Variants in SPTY2D1 observed in about 807,000 individuals in gnomAD.
SPTY2D1 encodes protein SPT2 homolog.
Under a neutral mutation model 64.0 loss-of-function variants are expected in SPTY2D1, and 21 were observed. The ratio of observed to expected loss-of-function variants is 0.33; its 90% confidence interval spans 0.23 to 0.47. The LOEUF is 0.47. Among genes scored for constraint, SPTY2D1 ranks in the 20% least tolerant of loss-of-function variants. SPTY2D1 has a pLI of 1.00. For missense variants in SPTY2D1, 724 were observed against 837.2 expected (o/e 0.86, Z 1.67); for synonymous variants, 287 against 286.8 (o/e 1.00, Z -0.01).
intron 1 of SPTY2D1, among the ~76,000 whole-genome samples, chr11:18,623,356 C>A (rs1285166928): frequency 3.3e-5 from 5 of 152,168 alleles, no homozygotes; most frequent in African/African-American, 1.2e-4. Context: ...GTTCTTGTCT[C>A]CCCTCAGCCC....
At chr11:18,624,160 A>G (rs1265327819) in intron 1 of SPTY2D1, among the ~76,000 whole-genome samples, 1 of 151,974 alleles carries the variant, frequency 6.6e-6, no homozygotes, top group Non-Finnish European at 1.5e-5. Flanking sequence ...ATTTTAAAAG[A>G]CAGTTCCCCA....
At position 18,615,007 on chromosome 11, in the gene SPTY2D1, T is replaced by A. The variant is rs367661545; in HGVS notation, c.1267A>T (p.Asn423Tyr). 5 of 1,614,048 alleles carry A rather than the reference T, an allele frequency of 3.1e-6. No individual in the cohort carries two copies. Among genetic ancestry groups the A allele is most frequent in the Non-Finnish European group, 4.2e-6 (5 of 1,180,054 alleles). The stretch of plus-strand genomic sequence containing the variant: ...CCACTGACTGTCCGCCTAGAGGGAT[T>A]TGAGTCATTGGTTGGCTTCTTGGAC... ...SGSKKPTNDS[N>Y]PSRRTVSGTC... Residue 423 changes from asparagine to tyrosine, a missense_variant, in exon 3 of 6, where the codon AAT (asparagine) becomes TAT (tyrosine). By Grantham distance (143) the Asn-to-Tyr change is moderately radical (BLOSUM62 -2). Coordinates refer to ENST00000336349, the MANE Select transcript of SPTY2D1 (RefSeq NM_194285.3).
Position 18,611,509 on chromosome 11 carries a change from A to G in SPTY2D1, c.1932T>C (p.Ser644=), listed in dbSNP as rs778956078. The change falls in exon 5 of 6, where the codon AGT becomes AGC. Residue 644 remains serine (S), a synonymous_variant. Transcript: ENST00000336349. ...SDYALRYMES[S]WKEQQKEEAK... is the part of the protein sequence containing the mutation. ...CTTCTTCCTTCTGCTGCTCTTTCCA[A>G]CTACTTTCCATGTAACGTAAGGCAT... is the stretch of plus-strand genomic sequence containing the variant. 1.2e-6 allele frequency: 2 copies of G among 1,614,070 alleles called. No homozygotes were observed. The highest frequency in any genetic ancestry group is 1.7e-6 in the Non-Finnish European group (2 of 1,180,014).
Position 18,609,274 on chromosome 11 carries a change from A to G in SPTY2D1, c.*587T>C, listed in dbSNP as rs1854155590. 2 of 152,964 alleles carry G rather than the reference A, an allele frequency of 1.3e-5. No homozygotes were observed. The highest frequency in any genetic ancestry group is 3.8e-4 in the East Asian group (2 of 5,196). The allele number at this position is 152,964 out of a possible 1,614,324, so 9.5% of individuals were successfully genotyped here. On this transcript the variant is annotated 3_prime_UTR_variant, in exon 6 of 6. Coordinates refer to ENST00000336349, the MANE Select transcript of SPTY2D1 (RefSeq NM_194285.3). ...AATGAGTAAGAATGCTCAGCATCCA[A>G]TCCATGAATACAGAATTTATTCTAC...
intron 1 of SPTY2D1, among the ~76,000 whole-genome samples, chr11:18,633,434 C>G (rs1403402381): frequency 1.3e-5 from 2 of 152,172 alleles, no homozygotes; most frequent in African/African-American, 2.4e-5. Context: ...CAGCCATAAC[C>G]CCCAGAAACC....
At chr11:18,614,141 C>T (rs1203657488) in intron 3 of SPTY2D1, among the ~76,000 whole-genome samples, 1 of 152,144 alleles carries the variant, frequency 6.6e-6, no homozygotes, top group Non-Finnish European at 1.5e-5. Flanking sequence ...AAGGAACTCT[C>T]AGCAGGGAAT....
intron 1 of SPTY2D1, among the ~76,000 whole-genome samples, chr11:18,626,428 C>A (rs906489016): frequency 2.0e-5 from 3 of 148,976 alleles, no homozygotes; most frequent in Non-Finnish European, 1.5e-5. Context: ...AACAAACAAA[C>A]AAAAAAAAAA....
rs72484764 is a variant in SPTY2D1, at chr11:18,623,943, T to C, written c.61-6954A>G. 1.4e-3 allele frequency among the ~76,000 whole-genome samples: 218 copies of C among 152,364 alleles called. 4 individuals carry two copies. In the East Asian group the frequency reaches 0.037, roughly 26 times the overall value. On this transcript the variant is annotated intron_variant, in intron 1 of 5. Coordinates refer to ENST00000336349, the MANE Select transcript of SPTY2D1 (RefSeq NM_194285.3). ...GATATACCATGCATTATTTTTATAT[T>C]CATCAACTGAATATTCGGATTGTCT...
intron 1 of SPTY2D1, among the ~76,000 whole-genome samples, chr11:18,626,281 T>G (rs1854496411): frequency 6.6e-6 from 1 of 152,244 alleles, no homozygotes; most frequent in South Asian, 2.1e-4. Context: ...ACTCTACTTC[T>G]GTTAACCATG....
intron 1 of SPTY2D1, among the ~76,000 whole-genome samples, chr11:18,629,813 CA>C (rs1356098634): frequency 6.6e-6 from 1 of 151,954 alleles, no homozygotes; most frequent in Non-Finnish European, 1.5e-5. Flanking sequence ...AATTAAGAAA[CA>C]AAAAAATGAT....
At position 18,634,218 on chromosome 11, in the gene SPTY2D1, G is replaced by C. The variant is rs577135879; in HGVS notation, c.40C>G (p.Gln14Glu). ...CTTACCGGCACATTGTTGACACCTTGTCCCTTGGAAGCTATCATGAGAATT... is the reference window on the plus strand; with the variant it reads ...CTTACCGGCACATTGTTGACACCTTCTCCCTTGGAAGCTATCATGAGAATT... The part of the protein sequence containing the change: ...REILMIASKG[Q>E]GVNNVPKRYS... Residue 14 changes from glutamine to glutamate, a missense_variant, in exon 1 of 6, where the codon CAA (glutamine) becomes GAA (glutamate). Gln to Glu is a conservative substitution (Grantham distance 29, BLOSUM62 2). Transcript: ENST00000336349. 1.2e-6 allele frequency: 2 copies of C among 1,614,184 alleles called. No homozygotes were observed. The highest frequency in any genetic ancestry group is 2.7e-5 in the African/African-American group (2 of 75,040).
At chr11:18,620,015 G>A (rs1007808237) in intron 1 of SPTY2D1, among the ~76,000 whole-genome samples, 3 of 152,164 alleles carry the variant, frequency 2.0e-5, no homozygotes, top group African/African-American at 2.4e-5. Context: ...ATGACAAACC[G>A]AAAAGCTGCT....
chr11:18,625,960 T>C (rs899613830), intron 1 of SPTY2D1, among the ~76,000 whole-genome samples: 4 of 151,846 alleles, frequency 2.6e-5, no homozygotes, highest in Non-Finnish European at 5.9e-5. Context: ...GGACTGATTA[T>C]AGGCACCTGC....
At position 18,609,822 on chromosome 11, in the gene SPTY2D1, C is replaced by G. The variant is rs770871950; in HGVS notation, c.*39G>C. The G allele has an allele frequency of 1.9e-6, 3 of 1,585,778 alleles. No homozygotes were observed. Among genetic ancestry groups the G allele is most frequent in the Non-Finnish European group, 2.6e-6 (3 of 1,156,162 alleles). ...GTCTGAAGGCAGGAAATCCTTGCAG[C>G]AGAGCAGCTCTAGAATTTCACAAAA... On this transcript the variant is annotated 3_prime_UTR_variant, in exon 6 of 6. Transcript: ENST00000336349.
intron 3 of SPTY2D1, 150 bp downstream of exon 3, chr11:18,614,413 A>G (rs920430444): frequency 2.5e-6 from 2 of 810,598 alleles, no homozygotes; most frequent in Admixed American, 5.6e-5. Flanking sequence ...ACTCTCAACC[A>G]CAAGGCAGAT....
chr11:18,611,578 TAAAA>T, intron 4 of SPTY2D1, 24 bp from the exon 5 acceptor site: 2 of 1,601,580 alleles, frequency 1.2e-6, no homozygotes, highest in Admixed American at 3.4e-5. Context: ...ATCAAAATGA[TAAAA>T]AGAGAAAACT....
rs1364301314 is a variant in SPTY2D1, at chr11:18,613,417, A to C, written c.1712-929T>G. 2.0e-5 allele frequency among the ~76,000 whole-genome samples: 3 copies of C among 152,208 alleles called. No individual in the cohort carries two copies. In the East Asian group the frequency reaches 5.8e-4, roughly 29 times the overall value. ...TCTTCTACGGTTGTTTTTAATATGC[A>C]TGGCTTGTCTCCCTAGCTTAGTTTC... On this transcript the variant is annotated intron_variant, in intron 3 of 5. Transcript: ENST00000336349.
At chr11:18,611,581 AAAG>A in intron 4 of SPTY2D1, 27 bp from the exon 5 acceptor site, 2 of 1,599,528 alleles carry the variant, frequency 1.3e-6, no homozygotes, top group Non-Finnish European at 1.7e-6. Context: ...AAAATGATAA[AAAG>A]AGAAAACTTC....
intron 3 of SPTY2D1, among the ~76,000 whole-genome samples, chr11:18,613,809 G>C (rs980519924): frequency 1.3e-5 from 2 of 152,126 alleles, no homozygotes; most frequent in African/African-American, 4.8e-5. Flanking sequence ...TGAAGGATCA[G>C]TGTTTAGGAT....
Sources: gnomAD v4.1 joint callset for allele counts (sites outside exome capture counted in the v4.1 genomes callset) on GRCh38, gnomAD v4.1.1 for gene constraint, MANE v1.5 for transcripts, NCBI Gene and HGNC (gene_info 2026-07-23, HGNC 2026-07-21) for gene names.